ABCA12: variants seen among roughly 807,000 people sequenced by gnomAD.
ABCA12 encodes the protein glucosylceramide transporter ABCA12.
A neutral mutation model predicts 293.5 loss-of-function variants in ABCA12; 156 were observed. The observed-to-expected ratio is 0.53, with a 90% confidence interval of 0.47 to 0.61. ABCA12 has a LOEUF of 0.61. ABCA12 is among the 20% of genes least tolerant of loss of function. ABCA12 has a pLI of 0.00. For missense variants in ABCA12, 2,797 were observed against 3,090.2 expected, an observed-to-expected ratio of 0.91 and a Z score of 2.25; for synonymous variants, 1,063 against 1,108.0, an observed-to-expected ratio of 0.96 and a Z score of 0.81.
chr2:215,020,212 TA>T (rs71399169), intron 11 of ABCA12, among the ~76,000 whole-genome samples: 12,180 of 144,538 alleles, frequency 0.084, 716 homozygotes, highest in Admixed American at 0.17. Context: ...GACTACTATT[TA>T]AAAAAAAAAA....
chr2:215,100,766 CT>C (rs1327729639), intron 2 of ABCA12, among the ~76,000 whole-genome samples: 1 of 152,138 alleles, frequency 6.6e-6, no homozygotes, highest in South Asian at 2.1e-4. Context: ...CCAGAAGCAT[CT>C]TTTTTTAACC....
chr2:215,125,214 T>A (rs192704715), intron 1 of ABCA12, among the ~76,000 whole-genome samples: 15 of 152,214 alleles, frequency 9.9e-5, no homozygotes, highest in Admixed American at 2.0e-4. Flanking sequence ...GGCCTTATAG[T>A]AGAGCTTGAA....
intron 2 of ABCA12, among the ~76,000 whole-genome samples, chr2:215,076,444 T>G (rs1575027895): frequency 6.6e-6 from 1 of 152,300 alleles, no homozygotes; most frequent in Admixed American, 6.5e-5. Context: ...AGAAAATACT[T>G]CAGCAAAATA....
chr2:214,980,188 T>A (rs953812656), intron 31 of ABCA12, among the ~76,000 whole-genome samples: 3 of 152,346 alleles, frequency 2.0e-5, no homozygotes, highest in African/African-American at 7.2e-5. Flanking sequence ...ACATTGGTTC[T>A]GAATGTGCAG....
intron 30 of ABCA12, among the ~76,000 whole-genome samples, chr2:214,981,965 TATTATTATTA>T: frequency 8.0e-6 from 1 of 124,830 alleles, no homozygotes; most frequent in African/African-American, 3.1e-5. Context: ...TTATTATTAT[TATTATTATTA>T]TTATTATTAT....
At chr2:215,010,505 G>A (rs1328094916) in intron 17 of ABCA12, 35 bp from the exon 18 acceptor site, 1 of 1,607,668 alleles carries the variant, frequency 6.2e-7, no homozygotes, top group Non-Finnish European at 8.5e-7. Flanking sequence ...CCATTTAATA[G>A]ATGTACTTCA....
chr2:215,003,837 T>C (rs1339320805), intron 20 of ABCA12, among the ~76,000 whole-genome samples: 2 of 151,986 alleles, frequency 1.3e-5, no homozygotes, highest in African/African-American at 4.8e-5. Flanking sequence ...CCAGCTAGTT[T>C]TTGTATTTTT....
chr2:215,102,335 A>T (rs1702376165), intron 2 of ABCA12, among the ~76,000 whole-genome samples: 1 of 152,262 alleles, frequency 6.6e-6, no homozygotes, highest in Non-Finnish European at 1.5e-5. Flanking sequence ...GCAATGGCGC[A>T]TGCCTGTAAT....
chr2:214,955,437 T>TG, intron 42 of ABCA12, 76 bp from the exon 43 acceptor site: 11 of 1,443,970 alleles, frequency 7.6e-6, no homozygotes, highest in African/African-American at 2.8e-5. Flanking sequence ...ATCCTAACAC[T>TG]TTAGGAGGCT....
intron 19 of ABCA12, among the ~76,000 whole-genome samples, chr2:215,005,218 A>G (rs111483998): frequency 6.6e-6 from 1 of 152,230 alleles, no homozygotes; most frequent in African/African-American, 2.4e-5. Flanking sequence ...TCTCCTAAGG[A>G]CACACAATTA....
At chr2:214,937,471 T>A (rs1252834818) in intron 51 of ABCA12, 39 bp downstream of exon 51, 1 of 1,530,736 alleles carries the variant, frequency 6.5e-7, no homozygotes, top group Non-Finnish European at 9.0e-7. Context: ...GTGCTGGGAT[T>A]ACAGGCGTGA....
chr2:215,091,275 C>T lies in ABCA12; in HGVS notation c.163+20322G>A, dbSNP rs1702136757. Reference sequence around the variant, plus strand: ...AGCCAGGTCCCAATTCTTCCACAGCCTCTGCTCCCCAACCCTATAATCCTT... The same window carrying T: ...AGCCAGGTCCCAATTCTTCCACAGCTTCTGCTCCCCAACCCTATAATCCTT... On this transcript the variant is annotated intron_variant, in intron 2 of 52. Transcript: ENST00000272895. 2.6e-5 allele frequency among the ~76,000 whole-genome samples: 4 copies of T among 152,114 alleles called. No homozygotes were observed. In the South Asian group the frequency reaches 6.2e-4, roughly 24 times the overall value.
intron 1 of ABCA12, among the ~76,000 whole-genome samples, chr2:215,134,306 G>GTATATGTGTATATATGTATATGTACA (rs1703131938): frequency 7.0e-6 from 1 of 143,612 alleles, no homozygotes; most frequent in African/African-American, 2.6e-5. Context: ...ACATATATAC[G>GTATATGTGTATATATGTATATGTACA]TATATGTGTA....
chr2:215,116,803 C>G (rs1387262098), intron 1 of ABCA12, among the ~76,000 whole-genome samples: 1 of 151,972 alleles, frequency 6.6e-6, no homozygotes, highest in Non-Finnish European at 1.5e-5. Flanking sequence ...AATAACCTGA[C>G]TCAAAAAATA....
chr2:215,011,385 G>C, intron 17 of ABCA12, 54 bp downstream of exon 17: 2 of 1,284,914 alleles, frequency 1.6e-6, no homozygotes, highest in Non-Finnish European at 2.3e-6. Context: ...AGAATAGACA[G>C]TATTCTTATT....
chr2:215,032,284 ATTT>A (rs5838481), intron 8 of ABCA12: 2,969 of 175,210 alleles, frequency 0.017, no homozygotes, highest in South Asian at 0.039. Flanking sequence ...GGGTCACTGG[ATTT>A]TTTTTTTTTT....
chr2:214,950,988 G>A lies in ABCA12; in HGVS notation c.6743C>T (p.Ala2248Val). 6.2e-7 allele frequency: 1 copy of A among 1,614,092 alleles called. No homozygotes were observed. ...RAERLRVESG[A>V]AEFDLVQLYC... is the part of the protein sequence containing the mutation. Reference sequence around the variant, plus strand: ...AAGTTGGACCAAGTCAAATTCAGCTGCACCACTCTCAACTCTTAATCTCTC... The same window carrying A: ...AAGTTGGACCAAGTCAAATTCAGCTACACCACTCTCAACTCTTAATCTCTC... Residue 2248 changes from alanine to valine, a missense_variant, in exon 45 of 53, where the codon GCA becomes GTA. Physicochemically the swap from Ala to Val is moderately conservative, Grantham distance 64 (BLOSUM62 0). This residue lies in a region of ABCA12 where 2,130 missense variants were observed against 2,427.0 expected (regional missense o/e 0.88). Transcript: ENST00000272895.
At chr2:215,118,469 A>G (rs1025960925) in intron 1 of ABCA12, among the ~76,000 whole-genome samples, 2 of 152,156 alleles carry the variant, frequency 1.3e-5, no homozygotes, top group African/African-American at 2.4e-5. Flanking sequence ...CTATATTTCA[A>G]TAGGATTTCT....
intron 8 of ABCA12, chr2:215,032,683 T>C (rs1309398817): frequency 6.6e-6 from 1 of 152,150 alleles, no homozygotes; most frequent in Non-Finnish European, 1.5e-5. Context: ...ACATCATAAA[T>C]CCAATACTTT....
Sources: allele counts gnomAD v4.1 joint callset (sites outside exome capture counted in the v4.1 genomes callset), GRCh38; gene constraint gnomAD v4.1.1; regional missense constraint gnomAD v4.1.1; transcripts MANE v1.5; gene names NCBI Gene and HGNC (gene_info 2026-07-23, HGNC 2026-07-21).